Variants in OSTN observed in about 807,000 individuals in gnomAD.
OSTN encodes the protein osteocrin.
In OSTN, 9 loss-of-function variants were observed where a neutral mutation model predicts 12.0. That is an observed-to-expected ratio of 0.75 (90% CI 0.45 to 1.30). The LOEUF is 1.30. Ranked by LOEUF, OSTN falls within the 50% of genes most tolerant of loss-of-function variation. OSTN has a pLI of 0.00. For missense variants in OSTN, 148 were observed against 152.3 expected (o/e 0.97, Z 0.15); for synonymous variants, 59 against 56.9 (o/e 1.04, Z -0.16).
At chr3:191,243,056 C>T (rs749311457) in intron 3 of OSTN, among the ~76,000 whole-genome samples, 7 of 151,712 alleles carry the variant, frequency 4.6e-5, no homozygotes, top group Non-Finnish European at 8.8e-5. Context: ...AAATGAAAAG[C>T]TGAGCAACAT....
At chr3:191,255,848 G>A (rs1279259504) in intron 4 of OSTN, among the ~76,000 whole-genome samples, 1 of 151,772 alleles carries the variant, frequency 6.6e-6, no homozygotes, top group East Asian at 1.9e-4. Flanking sequence ...TGTTGCGTTA[G>A]CAGTTGCCAT....
chr3:191,259,095 A>G (rs1191208011), intron 4 of OSTN, among the ~76,000 whole-genome samples: 1 of 152,164 alleles, frequency 6.6e-6, no homozygotes, highest in Non-Finnish European at 1.5e-5. Context: ...TCCCTTAAGG[A>G]GTGTGAGCTG....
intron 2 of OSTN, among the ~76,000 whole-genome samples, chr3:191,215,266 A>G (rs892315240): frequency 6.6e-6 from 1 of 152,168 alleles, no homozygotes; most frequent in Non-Finnish European, 1.5e-5. Flanking sequence ...CCATGATTCA[A>G]TCACCTCCAC....
rs1715890695 is a variant in OSTN at position 191,265,000 on chromosome 3, A to G, written c.*2147A>G. 2.0e-5 allele frequency: 3 copies of G among 152,170 alleles called. No individual in the cohort carries two copies. In the South Asian group the frequency reaches 6.2e-4, roughly 32 times the overall value. 9.4% of individuals were successfully genotyped at this position (152,170 alleles called of 1,614,324 possible). The stretch of plus-strand genomic sequence containing the variant: ...TACACACAATTTCCATGAAGGGAAG[A>G]AAATGTTTTCTCCACTTATAACTCT... On this transcript the variant is annotated 3_prime_UTR_variant, in exon 5 of 5. Coordinates refer to ENST00000682035, the MANE Select transcript of OSTN (RefSeq NM_198184.2).
At chr3:191,239,914 A>T (rs771306556) in intron 3 of OSTN, among the ~76,000 whole-genome samples, 1 of 152,192 alleles carries the variant, frequency 6.6e-6, no homozygotes, top group Non-Finnish European at 1.5e-5. Flanking sequence ...TTGGAAAACA[A>T]TGACTAGTTA....
intron 3 of OSTN, among the ~76,000 whole-genome samples, chr3:191,246,453 A>G (rs1186262706): frequency 6.6e-6 from 1 of 151,884 alleles, no homozygotes; most frequent in East Asian, 1.9e-4. Context: ...TAAAAATACA[A>G]AAATTACCCA....
Position 191,216,038 on chromosome 3 carries a change from C to T in OSTN, c.103-2709C>T, listed in dbSNP as rs559297110. On this transcript the variant is annotated intron_variant, in intron 2 of 4. Coordinates refer to ENST00000682035, the MANE Select transcript of OSTN (RefSeq NM_198184.2). Reference sequence around the variant, plus strand: ...CTCCACCCCTTTAGTAAATTTCTGCCTGTACATCCAGGTATTTCCATACAT... The same window carrying T: ...CTCCACCCCTTTAGTAAATTTCTGCTTGTACATCCAGGTATTTCCATACAT... 2.6e-5 allele frequency among the ~76,000 whole-genome samples: 4 copies of T among 152,320 alleles called. No homozygotes were observed. The South Asian group carries it at 8.3e-4, about 32-fold the overall frequency.
intron 2 of OSTN, 134 bp downstream of exon 2, chr3:191,212,768 A>AAC (rs1315973777): frequency 6.5e-6 from 1 of 154,034 alleles, no homozygotes; most frequent in Non-Finnish European, 1.2e-5. Context: ...TATATATCAT[A>AAC]TCATATATTT....
intron 3 of OSTN, among the ~76,000 whole-genome samples, chr3:191,224,472 A>T (rs996341984): frequency 6.6e-6 from 1 of 152,112 alleles, no homozygotes; most frequent in Admixed American, 6.5e-5. Context: ...TTGATAGAAG[A>T]TCTACACAAC....
chr3:191,218,747 G>A lies in OSTN; in HGVS notation c.103G>A (p.Ala35Thr), dbSNP rs1231160613. Reference protein sequence around the residue: ...VLSVDVTTTEAFDSGVIDVQS... With the variant: ...VLSVDVTTTETFDSGVIDVQS... ...GGAATCGCCTTTCTCTGCCTTATAG[G>A]CCTTTGATTCTGGAGTCATAGATGT... The change falls in exon 3 of 5, where the codon GCC (alanine) becomes ACC (threonine). Residue 35 changes from alanine to threonine, a missense_variant and splice_region_variant. Ala to Thr is a moderately conservative substitution (Grantham distance 58, BLOSUM62 0). Coordinates refer to ENST00000682035, the MANE Select transcript of OSTN (RefSeq NM_198184.2). 5.0e-6 allele frequency: 8 copies of A among 1,613,202 alleles called. No individual in the cohort carries two copies. The highest frequency in any genetic ancestry group is 6.8e-6 in the Non-Finnish European group (8 of 1,179,382).
chr3:191,218,031 C>G (rs1327252809), intron 2 of OSTN, among the ~76,000 whole-genome samples: 1 of 151,858 alleles, frequency 6.6e-6, no homozygotes, highest in African/African-American at 2.4e-5. Flanking sequence ...ACTAATTAGA[C>G]AAAGTCATTG....
chr3:191,256,375 G>A (rs1715670923), intron 4 of OSTN, among the ~76,000 whole-genome samples: 1 of 152,092 alleles, frequency 6.6e-6, no homozygotes, highest in African/African-American at 2.4e-5. Flanking sequence ...TAAAAAGGTA[G>A]TTGAGGTAAA....
intron 3 of OSTN, among the ~76,000 whole-genome samples, chr3:191,235,696 T>TTTCATAGACACTTCTTGC (rs1715171858): frequency 6.6e-6 from 1 of 152,174 alleles, no homozygotes; most frequent in African/African-American, 2.4e-5. Context: ...ACCATCAGCA[T>TTTCATAGACACTTCTTGC]CCTGATGAGT....
intron 4 of OSTN, among the ~76,000 whole-genome samples, chr3:191,260,637 T>A (rs537511905): frequency 6.6e-6 from 1 of 152,116 alleles, no homozygotes; most frequent in African/African-American, 2.4e-5. Context: ...GCTTGGGAGA[T>A]TAGTAACAAA....
chr3:191,260,946 T>G (rs1715794891), intron 4 of OSTN, among the ~76,000 whole-genome samples: 1 of 152,214 alleles, frequency 6.6e-6, no homozygotes, highest in African/African-American at 2.4e-5. Context: ...TTAAGTCACA[T>G]AAATCTTTGT....
intron 4 of OSTN, among the ~76,000 whole-genome samples, chr3:191,257,362 T>G (rs1053432082): frequency 2.0e-5 from 3 of 152,124 alleles, no homozygotes; most frequent in Non-Finnish European, 4.4e-5. Flanking sequence ...TAACTTTTAT[T>G]TTAGTAAAAA....
At chr3:191,248,827 T>C (rs901382985) in intron 3 of OSTN, among the ~76,000 whole-genome samples, 7 of 152,176 alleles carry the variant, frequency 4.6e-5, no homozygotes, top group African/African-American at 1.2e-4. Flanking sequence ...TACACACTTA[T>C]AGTCCCAGCT....
At position 191,232,331 on chromosome 3, in the gene OSTN, T is replaced by TAAAAAAAAA. The variant is rs61313474; in HGVS notation, c.317+13392_317+13400dup. On this transcript the variant is annotated intron_variant, in intron 3 of 4. Coordinates refer to ENST00000682035, the MANE Select transcript of OSTN (RefSeq NM_198184.2). Reference sequence around the variant, plus strand: ...CTGGGTGACAGAGGGAGACTCTGTCTAAAAAAAAAAAAAAAAAAAAAAAAA... The same window carrying TAAAAAAAAA: ...CTGGGTGACAGAGGGAGACTCTGTCTAAAAAAAAAAAAAAAAAAAAAAAAAAAAAAAAAA... Among the ~76,000 whole-genome samples, 60 of 67,484 alleles carry TAAAAAAAAA rather than the reference T, an allele frequency of 8.9e-4. 4 individuals carry two copies. The highest frequency in any genetic ancestry group is 5.1e-3 in the African/African-American group (58 of 11,378). The allele number at this position is 67,484 out of a possible 152,430, so 44.3% of individuals were successfully genotyped here. A position where few individuals can be genotyped will look rare whatever the true frequency, so the allele number is the denominator to read the frequency against.
At chr3:191,261,033 T>C (rs182393846) in intron 4 of OSTN, among the ~76,000 whole-genome samples, 20 of 151,886 alleles carry the variant, frequency 1.3e-4, no homozygotes, top group Admixed American at 9.2e-4. Context: ...GAGAGAGAGA[T>C]AGAGGCCAGG....
Sources: allele counts gnomAD v4.1 joint callset (sites outside exome capture counted in the v4.1 genomes callset), GRCh38; gene constraint gnomAD v4.1.1; transcripts MANE v1.5; gene names NCBI Gene and HGNC (gene_info 2026-07-23, HGNC 2026-07-21).